The following PDZRN4 variants were observed in gnomAD, a reference collection of about 807,000 sequenced individuals.
PDZRN4 encodes PDZ domain-containing RING finger protein 4.
A neutral mutation model predicts 99.0 loss-of-function variants in PDZRN4; 70 were observed. The ratio of observed to expected loss-of-function variants is 0.71; its 90% CI spans 0.58 to 0.86. The LOEUF (loss-of-function observed/expected upper bound fraction) is 0.86. PDZRN4 is among the 40% of genes least tolerant of loss of function. The pLI is 0.00. For synonymous variants in PDZRN4, 551 were observed against 501.6 expected, an observed-to-expected ratio of 1.10 and a Z score of -1.32; for missense variants, 1,474 against 1,331.2, an observed-to-expected ratio of 1.11 and a Z score of -1.67.
chr12:41,498,888 T>C (rs962548784), intron 3 of PDZRN4, among the ~76,000 whole-genome samples: 8 of 152,142 alleles, frequency 5.3e-5, no homozygotes, highest in Non-Finnish European at 1.2e-4. Context: ...TAAAGTTAAT[T>C]TGCAAAGATA....
intron 5 of PDZRN4, among the ~76,000 whole-genome samples, chr12:41,550,186 C>T (rs1416795001): frequency 1.3e-5 from 2 of 152,054 alleles, no homozygotes; most frequent in Admixed American, 6.6e-5. Context: ...GTGGAGAAAA[C>T]GTTCAAAAAA....
At chr12:41,410,552 T>C (rs1030511204) in intron 3 of PDZRN4, among the ~76,000 whole-genome samples, 2 of 152,212 alleles carry the variant, frequency 1.3e-5, no homozygotes, top group Non-Finnish European at 2.9e-5. Flanking sequence ...TAAAATATTA[T>C]ATTATATTCA....
chr12:41,289,446 G>A (rs1415844006), intron 3 of PDZRN4, among the ~76,000 whole-genome samples: 2 of 152,128 alleles, frequency 1.3e-5, no homozygotes, highest in Non-Finnish European at 2.9e-5. Context: ...ATTGAAACAG[G>A]TGGGAAATAA....
At chr12:41,255,011 T>C (rs187200589) in intron 3 of PDZRN4, among the ~76,000 whole-genome samples, 10 of 152,100 alleles carry the variant, frequency 6.6e-5, no homozygotes, top group Admixed American at 2.6e-4. Flanking sequence ...GCCAAGGACA[T>C]TGAGGCTGAG....
chr12:41,419,648 G>A (rs572692300), intron 3 of PDZRN4, among the ~76,000 whole-genome samples: 18 of 152,232 alleles, frequency 1.2e-4, no homozygotes, highest in African/African-American at 4.3e-4. Flanking sequence ...TTTTACAGGA[G>A]TGGGGTACAT....
At chr12:41,452,160 T>A (rs1450052283) in intron 3 of PDZRN4, among the ~76,000 whole-genome samples, 1 of 151,378 alleles carries the variant, frequency 6.6e-6, no homozygotes, top group Non-Finnish European at 1.5e-5. Context: ...GAACTACCTA[T>A]GGCTCACACC....
chr12:41,427,862 C>A (rs1395377733), intron 3 of PDZRN4, among the ~76,000 whole-genome samples: 1 of 152,184 alleles, frequency 6.6e-6, no homozygotes, highest in South Asian at 2.1e-4. Context: ...GGCTGGTGGG[C>A]AGATCACCTG....
intron 3 of PDZRN4, among the ~76,000 whole-genome samples, chr12:41,339,462 T>A (rs964060568): frequency 3.3e-5 from 5 of 152,084 alleles, no homozygotes; most frequent in African/African-American, 1.2e-4. Context: ...CTGAAACTAA[T>A]GAAACGACTA....
At chr12:41,566,363 T>G (rs285569) in intron 8 of PDZRN4, among the ~76,000 whole-genome samples, 133,994 of 152,154 alleles carry the variant, frequency 0.88, 59,308 homozygotes, top group African/African-American at 0.97. Context: ...TTTTTTATGA[T>G]GTCTGGCATT....
intron 3 of PDZRN4, among the ~76,000 whole-genome samples, chr12:41,463,461 A>G (rs193149711): frequency 6.6e-6 from 1 of 152,204 alleles, no homozygotes; most frequent in Admixed American, 6.5e-5. Flanking sequence ...TTCTTGGAAA[A>G]AGAGAAGGAA....
chr12:41,255,486 G>T (rs1178641664), intron 3 of PDZRN4, among the ~76,000 whole-genome samples: 1 of 151,976 alleles, frequency 6.6e-6, no homozygotes, highest in Non-Finnish European at 1.5e-5. Context: ...AGAGTTTTAA[G>T]TAGGGAAGTA....
intron 4 of PDZRN4, among the ~76,000 whole-genome samples, chr12:41,507,296 T>C (rs1938225142): frequency 6.6e-6 from 1 of 152,174 alleles, no homozygotes. Context: ...CAAGGAATAC[T>C]TCCTCCTGAT....
intron 3 of PDZRN4, among the ~76,000 whole-genome samples, chr12:41,213,560 TC>T (rs1386285275): frequency 6.6e-6 from 1 of 152,032 alleles, no homozygotes; most frequent in Non-Finnish European, 1.5e-5. Flanking sequence ...CCTTTCCTCA[TC>T]CCTCTTTCTG....
At chr12:41,511,613 A>G (rs1056037974) in intron 5 of PDZRN4, among the ~76,000 whole-genome samples, 3 of 152,124 alleles carry the variant, frequency 2.0e-5, no homozygotes, top group Non-Finnish European at 2.9e-5. Context: ...TTTGAGAACA[A>G]CATGCATGGT....
At position 41,546,862 on chromosome 12, in the gene PDZRN4, T is replaced by C. The variant is rs11180992; in HGVS notation, c.1204-5794T>C. Among the ~76,000 whole-genome samples, 886 of 152,318 alleles carry C rather than the reference T, an allele frequency of 5.8e-3. 2 individuals are homozygous for C. The highest frequency in any genetic ancestry group is 9.3e-3 in the Non-Finnish European group (630 of 68,030). On this transcript the variant is annotated intron_variant, in intron 5 of 9. Transcript: ENST00000402685. Reference sequence around the variant, plus strand: ...ATTGCTATTTTTAAAATAAGGCAACTATGAAAATGACATTTTATGAATGTC... The same window carrying C: ...ATTGCTATTTTTAAAATAAGGCAACCATGAAAATGACATTTTATGAATGTC...
Position 41,518,838 on chromosome 12 carries a change from A to G in PDZRN4, c.1203+8925A>G, listed in dbSNP as rs1011388512. On this transcript the variant is annotated intron_variant, in intron 5 of 9. Transcript: ENST00000402685. Reference sequence around the variant, plus strand: ...GTGGCATGCATCTGTGGTCCCACCTAGTCAAGAGACTGAGGTGGGAGGATT... The same window carrying G: ...GTGGCATGCATCTGTGGTCCCACCTGGTCAAGAGACTGAGGTGGGAGGATT... Among the ~76,000 whole-genome samples, 5 of 152,170 alleles carry G rather than the reference A, an allele frequency of 3.3e-5. No individual in the cohort carries two copies. In the South Asian group the frequency reaches 1.0e-3, roughly 32 times the overall value.
At chr12:41,317,866 C>T (rs986201653) in intron 3 of PDZRN4, among the ~76,000 whole-genome samples, 6 of 151,944 alleles carry the variant, frequency 3.9e-5, no homozygotes, top group African/African-American at 1.5e-4. Flanking sequence ...TCAATCGCTT[C>T]CTATTTTTAA....
chr12:41,432,326 C>A (rs1014384028), intron 3 of PDZRN4, among the ~76,000 whole-genome samples: 2 of 152,182 alleles, frequency 1.3e-5, no homozygotes, highest in Non-Finnish European at 2.9e-5. Flanking sequence ...GGTTTATGTT[C>A]ATGGCCTTTC....
At chr12:41,553,315 T>C (rs1327833434) in intron 6 of PDZRN4, among the ~76,000 whole-genome samples, 4 of 152,266 alleles carry the variant, frequency 2.6e-5, no homozygotes, top group African/African-American at 7.2e-5. Context: ...TGCGAGATAC[T>C]GTTAGTGTTC....
Sources: allele counts gnomAD v4.1 joint callset (sites outside exome capture counted in the v4.1 genomes callset), GRCh38; gene constraint gnomAD v4.1.1; transcripts MANE v1.5; gene names NCBI Gene and HGNC (gene_info 2026-07-23, HGNC 2026-07-21).